MYO3B: variants seen among roughly 807,000 people sequenced by gnomAD.
MYO3B encodes myosin IIIB.
MYO3B carries 156 observed loss-of-function variants against 174.6 expected under a neutral mutation model. The observed-to-expected ratio is 0.89, with a 90% CI of 0.78 to 1.02. MYO3B has a LOEUF of 1.02. Ranked by LOEUF, MYO3B falls within the 50% of genes least tolerant of loss-of-function variation. MYO3B has a pLI of 0.00. For synonymous variants in MYO3B, 563 were observed against 569.1 expected (o/e 0.99, Z 0.15); for missense variants, 1,632 against 1,639.4 (o/e 1.00, Z 0.08).
At chr2:170,222,254 G>A (rs1341270747) in intron 6 of MYO3B, among the ~76,000 whole-genome samples, 2 of 152,192 alleles carry the variant, frequency 1.3e-5, no homozygotes, top group African/African-American at 2.4e-5. Flanking sequence ...ACAGGTGAAG[G>A]CACTCATGGT....
At chr2:170,522,565 T>A (rs1399148078) in intron 30 of MYO3B, among the ~76,000 whole-genome samples, 1 of 152,264 alleles carries the variant, frequency 6.6e-6, no homozygotes, top group Non-Finnish European at 1.5e-5. Context: ...TTCAAAGAAC[T>A]TTAATGGCTT....
intron 25 of MYO3B, among the ~76,000 whole-genome samples, chr2:170,497,117 T>A (rs940630242): frequency 1.3e-5 from 2 of 152,082 alleles, no homozygotes; most frequent in African/African-American, 4.8e-5. Context: ...CTGAAGCAGG[T>A]CATAAGACCC....
intron 7 of MYO3B, among the ~76,000 whole-genome samples, chr2:170,313,323 C>G (rs1424479221): frequency 6.6e-6 from 1 of 152,046 alleles, no homozygotes; most frequent in African/African-American, 2.4e-5. Context: ...CATGTATGGC[C>G]AAGTGCCAAA....
intron 32 of MYO3B, among the ~76,000 whole-genome samples, chr2:170,600,307 G>A (rs1694430615): frequency 6.6e-6 from 1 of 152,120 alleles, no homozygotes; most frequent in South Asian, 2.1e-4. Context: ...CGCTATTTTA[G>A]AATACTGGCA....
intron 23 of MYO3B, among the ~76,000 whole-genome samples, chr2:170,460,010 T>C (rs1225853296): frequency 6.6e-6 from 1 of 151,922 alleles, no homozygotes; most frequent in Admixed American, 6.6e-5. Context: ...CCTCTCCCTC[T>C]TTACCTCCCC....
intron 30 of MYO3B, among the ~76,000 whole-genome samples, chr2:170,539,194 A>G (rs1689919913): frequency 1.3e-5 from 2 of 152,210 alleles, no homozygotes; most frequent in Non-Finnish European, 2.9e-5. Flanking sequence ...GGATCGAGCC[A>G]TAAAATAGGA....
intron 8 of MYO3B, among the ~76,000 whole-genome samples, chr2:170,365,471 T>A (rs1173391634): frequency 6.6e-6 from 1 of 152,192 alleles, no homozygotes; most frequent in African/African-American, 2.4e-5. Context: ...CTAGTTCTAG[T>A]GCTGAGTAAT....
chr2:170,421,823 C>T (rs1343512982), intron 22 of MYO3B, among the ~76,000 whole-genome samples: 1 of 152,194 alleles, frequency 6.6e-6, no homozygotes, highest in East Asian at 1.9e-4. Flanking sequence ...CCTTGAAACT[C>T]TTGTTGCCTT....
intron 32 of MYO3B, among the ~76,000 whole-genome samples, chr2:170,551,718 T>C (rs1035449863): frequency 1.3e-5 from 2 of 152,140 alleles, no homozygotes; most frequent in Non-Finnish European, 2.9e-5. Flanking sequence ...ATATACTTTT[T>C]CTGTTTTGCT....
At chr2:170,188,951 C>T (rs2092505536) in intron 1 of MYO3B, among the ~76,000 whole-genome samples, 1 of 152,062 alleles carries the variant, frequency 6.6e-6, no homozygotes, top group South Asian at 2.1e-4. Flanking sequence ...GAGTTTTGTA[C>T]CTTCAAATAA....
chr2:170,233,805 T>C (rs1559321559), intron 6 of MYO3B, among the ~76,000 whole-genome samples: 2 of 152,228 alleles, frequency 1.3e-5, no homozygotes, highest in Non-Finnish European at 2.9e-5. Context: ...TCCAATGCAC[T>C]GTTTCTGGAA....
At chr2:170,405,251 A>G (rs549508067) in intron 20 of MYO3B, among the ~76,000 whole-genome samples, 8 of 152,226 alleles carry the variant, frequency 5.3e-5, no homozygotes, top group African/African-American at 1.9e-4. Context: ...ACCAGGTTCT[A>G]AAACTAACTG....
At chr2:170,367,026 TAG>T (rs3045210) in intron 8 of MYO3B, among the ~76,000 whole-genome samples, 97,330 of 151,804 alleles carry the variant, frequency 0.64, 31,994 homozygotes, top group Admixed American at 0.75. Flanking sequence ...AGGAGGAAGG[TAG>T]AGAGGCAGCT....
chr2:170,553,288 G>GC (rs1400545759), intron 32 of MYO3B, among the ~76,000 whole-genome samples: 4 of 152,218 alleles, frequency 2.6e-5, no homozygotes, highest in African/African-American at 7.2e-5. Context: ...CTCAATGCCA[G>GC]CCTGTGAAAG....
intron 7 of MYO3B, among the ~76,000 whole-genome samples, chr2:170,284,968 C>T (rs781724376): frequency 6.6e-6 from 1 of 152,158 alleles, no homozygotes; most frequent in Non-Finnish European, 1.5e-5. Context: ...CTGTACATAT[C>T]CAATTGCATC....
At chr2:170,648,731 ATAT>A (rs1467665971) in intron 32 of MYO3B, among the ~76,000 whole-genome samples, 2 of 103,610 alleles carry the variant, frequency 1.9e-5, no homozygotes, top group Admixed American at 1.2e-4. Context: ...TGTAAAATAT[ATAT>A]TATATTCTAT....
rs760875853 is a variant in MYO3B at position 170,543,956 on chromosome 2, G to A, written c.3701G>A (p.Gly1234Glu). 1 of 1,613,186 alleles carries A rather than the reference G, an allele frequency of 6.2e-7. No individual in the cohort carries two copies. Among genetic ancestry groups the A allele is most frequent in the East Asian group, 2.2e-5 (1 of 44,864 alleles). Residue 1234 changes from glycine to glutamate, a missense_variant, in exon 32 of 35, where the codon GGA becomes GAA. By Grantham distance (98) the Gly-to-Glu change is moderately conservative. Transcript: ENST00000408978. ...TGCCATCCTGCTCCAGATCAGCAAG[G>A]ATTGAGTCTCTGGGGAGCCCCTCAA... ...RICHPAPDQQ[G>E]LSLWGAPQKP...
intron 8 of MYO3B, among the ~76,000 whole-genome samples, chr2:170,356,950 AAAC>A (rs1161029971): frequency 6.6e-6 from 1 of 151,648 alleles, no homozygotes; most frequent in Non-Finnish European, 1.5e-5. Context: ...CCTGATTTAA[AAAC>A]AATATTTTTG....
intron 7 of MYO3B, among the ~76,000 whole-genome samples, chr2:170,309,112 A>G (rs1426218574): frequency 6.6e-6 from 1 of 152,198 alleles, no homozygotes; most frequent in Non-Finnish European, 1.5e-5. Flanking sequence ...AACGTATGTC[A>G]CTATGGCATA....
Sources: gnomAD v4.1 joint callset for allele counts (sites outside exome capture counted in the v4.1 genomes callset) on GRCh38, gnomAD v4.1.1 for gene constraint, MANE v1.5 for transcripts, NCBI Gene and HGNC (gene_info 2026-07-23, HGNC 2026-07-21) for gene names.